Variants in PHACTR3 observed in about 807,000 individuals in gnomAD.
The protein encoded by PHACTR3 is phosphatase and actin regulator 3.
A neutral mutation model predicts 66.8 loss-of-function variants in PHACTR3; 16 were observed. The observed-to-expected ratio is 0.24, with a 90% CI of 0.16 to 0.36. PHACTR3 has a LOEUF of 0.36. Among genes scored for constraint, PHACTR3 ranks in the 10% least tolerant of loss-of-function variants. PHACTR3 has a pLI of 1.00. For synonymous variants in PHACTR3, 323 were observed against 292.1 expected, an observed-to-expected ratio of 1.11 and a Z score of -1.08; for missense variants, 647 against 719.9, an observed-to-expected ratio of 0.90 and a Z score of 1.16.
chr20:59,827,797 T>C (rs1325478700), intron 8 of PHACTR3, among the ~76,000 whole-genome samples: 3 of 152,170 alleles, frequency 2.0e-5, no homozygotes, highest in Non-Finnish European at 4.4e-5. Flanking sequence ...ACAAGAGGCA[T>C]GGGACACCTT....
chr20:59,749,561 G>A (rs533576280), intron 3 of PHACTR3, among the ~76,000 whole-genome samples: 2 of 152,226 alleles, frequency 1.3e-5, no homozygotes, highest in South Asian at 4.1e-4. Flanking sequence ...TGCCTCTGAC[G>A]GCGACATCAC....
intron 1 of PHACTR3, among the ~76,000 whole-genome samples, chr20:59,617,917 G>A (rs575532565): frequency 4.6e-5 from 7 of 152,166 alleles, no homozygotes; most frequent in East Asian, 1.9e-4. Flanking sequence ...CCTCATCCTC[G>A]TGGTAGATCG....
chr20:59,589,095 G>C (rs151006442), intron 1 of PHACTR3, among the ~76,000 whole-genome samples: 11 of 152,188 alleles, frequency 7.2e-5, no homozygotes, highest in African/African-American at 2.7e-4. Context: ...GAACCAGCAG[G>C]GTCCGTGACC....
intron 7 of PHACTR3, among the ~76,000 whole-genome samples, chr20:59,782,684 T>C (rs1344466472): frequency 6.6e-6 from 1 of 152,182 alleles, no homozygotes; most frequent in Non-Finnish European, 1.5e-5. Context: ...TCATGAGACT[T>C]ATTCACTACC....
At chr20:59,755,923 C>T (rs550056246) in intron 4 of PHACTR3, among the ~76,000 whole-genome samples, 2 of 152,272 alleles carry the variant, frequency 1.3e-5, no homozygotes, top group South Asian at 4.1e-4. Context: ...GGCTTGGTGC[C>T]TTGCTCCAAG....
At position 59,716,714 on chromosome 20, in the gene PHACTR3, T is replaced by G. The variant is rs551915524; in HGVS notation, c.119-26393T>G. On this transcript the variant is annotated intron_variant, in intron 1 of 12. Coordinates refer to ENST00000371015, the MANE Select transcript of PHACTR3 (RefSeq NM_080672.5). ...ATAATTCACACATTTATCTGTATGA[T>G]TATTTTTGTTTTAATGTCATTTGTT... is the stretch of plus-strand genomic sequence containing the variant. Among the ~76,000 whole-genome samples the G allele has an allele frequency of 2.0e-5, 3 of 152,310 alleles. No individual in the cohort carries two copies. The South Asian group carries it at 6.2e-4, about 32-fold the overall frequency.
intron 1 of PHACTR3, among the ~76,000 whole-genome samples, chr20:59,593,808 C>G (rs942636306): frequency 6.6e-6 from 1 of 152,178 alleles, no homozygotes; most frequent in African/African-American, 2.4e-5. Context: ...AATCAGTTGA[C>G]TATATTTATG....
At chr20:59,777,043 G>C (rs1013044765) in intron 7 of PHACTR3, among the ~76,000 whole-genome samples, 4 of 152,164 alleles carry the variant, frequency 2.6e-5, no homozygotes, top group African/African-American at 9.7e-5. Context: ...ATCAAAGTGT[G>C]GGTAGGGTCG....
chr20:59,601,641 G>A (rs890085401), upstream of PHACTR3, among the ~76,000 whole-genome samples: 1 of 152,218 alleles, frequency 6.6e-6, no homozygotes, highest in Non-Finnish European at 1.5e-5. Flanking sequence ...GAAGTCCAAA[G>A]TCTCTCCGGC....
chr20:59,759,569 C>G (rs2039925766), intron 4 of PHACTR3, among the ~76,000 whole-genome samples: 1 of 152,162 alleles, frequency 6.6e-6, no homozygotes, highest in Non-Finnish European at 1.5e-5. Context: ...GTGTTACTGA[C>G]TTAATCTTCT....
chr20:59,648,058 C>T (rs554787781), intron 1 of PHACTR3, among the ~76,000 whole-genome samples: 60 of 152,308 alleles, frequency 3.9e-4, no homozygotes, highest in African/African-American at 1.3e-3. Flanking sequence ...TTGCATATGG[C>T]TTTAGTTGCT....
chr20:59,662,549 C>G (rs1461570871), intron 1 of PHACTR3, among the ~76,000 whole-genome samples: 1 of 152,154 alleles, frequency 6.6e-6, no homozygotes, highest in African/African-American at 2.4e-5. Flanking sequence ...CAGCACGTCT[C>G]AGAGGCTGCA....
intron 1 of PHACTR3, among the ~76,000 whole-genome samples, chr20:59,720,482 C>A (rs1317862808): frequency 6.6e-6 from 1 of 152,208 alleles, no homozygotes; most frequent in Non-Finnish European, 1.5e-5. Context: ...CCACCAGAGA[C>A]CATGGTGCTG....
rs189251067 is a variant in PHACTR3, at chr20:59,715,778, C to T, written c.119-27329C>T. On this transcript the variant is annotated intron_variant, in intron 1 of 12. Coordinates refer to ENST00000371015, the MANE Select transcript of PHACTR3 (RefSeq NM_080672.5). ...TCAAATGTTTAGAAGAGGTGACATCCTTTACGTGAGGTTCCAAGTTAAGAA... is the reference window on the plus strand; with the variant it reads ...TCAAATGTTTAGAAGAGGTGACATCTTTTACGTGAGGTTCCAAGTTAAGAA... Among the ~76,000 whole-genome samples, 4 of 151,838 alleles carry T rather than the reference C, an allele frequency of 2.6e-5. No homozygotes were observed. The East Asian group carries it at 7.7e-4, about 29-fold the overall frequency.
At chr20:59,774,060 A>T (rs1410047193) in intron 6 of PHACTR3, among the ~76,000 whole-genome samples, 183 bp from the exon 7 acceptor site, 1 of 152,204 alleles carries the variant, frequency 6.6e-6, no homozygotes, top group Non-Finnish European at 1.5e-5. Flanking sequence ...AGCATGTTGT[A>T]AACAGCCATT....
intron 1 of PHACTR3, among the ~76,000 whole-genome samples, chr20:59,641,391 T>C (rs1405935902): frequency 1.3e-5 from 2 of 152,172 alleles, no homozygotes; most frequent in Admixed American, 6.5e-5. Context: ...GCCAATGGTG[T>C]AGTTCTAGTG....
At chr20:59,652,410 G>A (rs1269557556) in intron 1 of PHACTR3, among the ~76,000 whole-genome samples, 2 of 152,152 alleles carry the variant, frequency 1.3e-5, no homozygotes, top group African/African-American at 4.8e-5. Flanking sequence ...AGCTGGGCAT[G>A]GTGGCACACA....
At chr20:59,632,448 A>G (rs1260651051) in intron 1 of PHACTR3, among the ~76,000 whole-genome samples, 1 of 152,130 alleles carries the variant, frequency 6.6e-6, no homozygotes, top group African/African-American at 2.4e-5. Flanking sequence ...TTTTCCCTCC[A>G]CAAGAAGTCA....
chr20:59,721,066 C>T (rs1160071996), intron 1 of PHACTR3: 1 of 152,236 alleles, frequency 6.6e-6, no homozygotes, highest in East Asian at 1.9e-4. Context: ...ACCATGTCAA[C>T]CCTTTCCTAT....
Sources: allele counts gnomAD v4.1 joint callset (sites outside exome capture counted in the v4.1 genomes callset), GRCh38; gene constraint gnomAD v4.1.1; transcripts MANE v1.5; gene names NCBI Gene and HGNC (gene_info 2026-07-23, HGNC 2026-07-21).